NUAK1: variants seen among roughly 807,000 people sequenced by gnomAD.
The protein encoded by NUAK1 is NUAK family kinase 1.
A neutral mutation model predicts 56.9 loss-of-function variants in NUAK1; 26 were observed. The observed-to-expected ratio is 0.46, with a 90% CI of 0.33 to 0.63. The LOEUF (loss-of-function observed/expected upper bound fraction) is 0.63, where lower values mean the gene tolerates loss of function less well. Ranked by LOEUF, NUAK1 falls within the 30% of genes least tolerant of loss-of-function variation. The pLI is 0.02. For synonymous variants in NUAK1, 337 were observed against 336.0 expected, an observed-to-expected ratio of 1.00 and a Z score of -0.03; for missense variants, 727 against 876.1, an observed-to-expected ratio of 0.83 and a Z score of 2.15.
intron 4 of NUAK1, 62 bp from the exon 5 acceptor site, chr12:106,072,905 T>C (rs2032420794): frequency 6.9e-6 from 11 of 1,597,922 alleles, no homozygotes; most frequent in Admixed American, 3.4e-5. Context: ...CTGTGTTGGA[T>C]CAGTTCACAC....
chr12:106,138,863 G>GC lies in NUAK1; in HGVS notation c.-211dup, dbSNP rs546034790. On this transcript the variant is annotated 5_prime_UTR_variant, in exon 1 of 7. Coordinates refer to ENST00000261402, the MANE Select transcript of NUAK1 (RefSeq NM_014840.3). This position sits in a 1 kb window ranked among gnomAD's most constrained non-coding sequence, Gnocchi z 5.0. ...CCGCGGCGCGCACGGTCCGCGCACC[G>GC]CCCCCCGGCCGCGGCGAGCTGTGGA... 479 of 539,352 alleles carry GC rather than the reference G, an allele frequency of 8.9e-4. 14 individuals are homozygous for GC. In the South Asian group the frequency reaches 0.028, roughly 32 times the overall value. The allele number at this position is 539,352 out of a possible 1,614,324, so 33.4% of individuals were successfully genotyped here.
At chr12:106,091,219 A>C (rs1016159974) in intron 2 of NUAK1, among the ~76,000 whole-genome samples, 5 of 152,206 alleles carry the variant, frequency 3.3e-5, no homozygotes, top group Admixed American at 3.3e-4. Flanking sequence ...TGAAAAATGA[A>C]AGCCTGTGTC....
At chr12:106,116,305 C>T (rs1018166483) in intron 1 of NUAK1, among the ~76,000 whole-genome samples, 3 of 152,164 alleles carry the variant, frequency 2.0e-5, no homozygotes, top group Non-Finnish European at 2.9e-5. Context: ...ACCTTTCAAA[C>T]GTGGAATCCC....
Position 106,066,633 on chromosome 12 carries a change from C to T in NUAK1, c.*169G>A. ...TGACAGAACTGGCAGAAGAGCCCACCTCTCCCTTTTAGGTGTTGGCTCAAG... is the reference window on the plus strand; with the variant it reads ...TGACAGAACTGGCAGAAGAGCCCACTTCTCCCTTTTAGGTGTTGGCTCAAG... On this transcript the variant is annotated 3_prime_UTR_variant, in exon 7 of 7. Coordinates refer to ENST00000261402, the MANE Select transcript of NUAK1 (RefSeq NM_014840.3). 1.5e-6 allele frequency: 1 copy of T among 664,992 alleles called. No individual in the cohort carries two copies. The highest frequency in any genetic ancestry group is 2.6e-6 in the Non-Finnish European group (1 of 379,498). 41.2% of individuals were successfully genotyped at this position (664,992 alleles called of 1,614,324 possible). A position where few individuals can be genotyped will look rare whatever the true frequency, so the allele number is the denominator to read the frequency against.
At chr12:106,132,626 A>G in intron 1 of NUAK1, among the ~76,000 whole-genome samples, 1 of 152,180 alleles carries the variant, frequency 6.6e-6, no homozygotes, top group East Asian at 1.9e-4. Flanking sequence ...TGGGAAACAA[A>G]GGACTCTGTA....
At chr12:106,136,171 A>T (rs1245784252) in intron 1 of NUAK1, among the ~76,000 whole-genome samples, 2 of 152,206 alleles carry the variant, frequency 1.3e-5, no homozygotes, top group African/African-American at 2.4e-5. Flanking sequence ...TGAATAAACG[A>T]AGCATTTTAG....
intron 1 of NUAK1, among the ~76,000 whole-genome samples, chr12:106,118,411 G>GA (rs1391445058): frequency 1.3e-5 from 2 of 152,226 alleles, no homozygotes; most frequent in Non-Finnish European, 2.9e-5. Context: ...TGGTAAGGAA[G>GA]AAAACACTCT....
At chr12:106,105,064 G>A (rs1278722929) in intron 2 of NUAK1, among the ~76,000 whole-genome samples, 2 of 150,978 alleles carry the variant, frequency 1.3e-5, no homozygotes, top group South Asian at 2.1e-4. Flanking sequence ...AGTGATTCAC[G>A]TGCCTCAGCC....
chr12:106,116,973 T>C (rs1259376293), intron 1 of NUAK1, among the ~76,000 whole-genome samples: 1 of 152,180 alleles, frequency 6.6e-6, no homozygotes, highest in East Asian at 1.9e-4. Flanking sequence ...CTGTTCTGGA[T>C]AAGGCATTGA....
At chr12:106,077,861 C>G (rs1297342296) in intron 4 of NUAK1, among the ~76,000 whole-genome samples, 1 of 152,208 alleles carries the variant, frequency 6.6e-6, no homozygotes, top group Non-Finnish European at 1.5e-5. Context: ...ATAATGTCAC[C>G]TACCTGGAAG....
At chr12:106,101,559 T>C (rs1001238018) in intron 2 of NUAK1, among the ~76,000 whole-genome samples, 7 of 152,160 alleles carry the variant, frequency 4.6e-5, no homozygotes, top group African/African-American at 1.4e-4. Context: ...TAAAAGTCGG[T>C]CATCTATAAG....
At chr12:106,112,457 C>T (rs999709406) in intron 1 of NUAK1, among the ~76,000 whole-genome samples, 2 of 152,138 alleles carry the variant, frequency 1.3e-5, no homozygotes, top group Non-Finnish European at 1.5e-5. Context: ...TCCAAAGCTC[C>T]CAGGATCACC....
chr12:106,116,228 G>A (rs1038478380), intron 1 of NUAK1, among the ~76,000 whole-genome samples: 1 of 152,120 alleles, frequency 6.6e-6, no homozygotes, highest in Non-Finnish European at 1.5e-5. Context: ...AACCATAGTG[G>A]GACATCTGAT....
At chr12:106,070,605 G>A (rs1410616131) in intron 6 of NUAK1, among the ~76,000 whole-genome samples, 169 bp downstream of exon 6, 1 of 152,192 alleles carries the variant, frequency 6.6e-6, no homozygotes, top group Non-Finnish European at 1.5e-5. Flanking sequence ...AAGGTTTGGG[G>A]AAAGCAGCCT....
At chr12:106,103,732 G>A (rs992905902) in intron 2 of NUAK1, among the ~76,000 whole-genome samples, 6 of 152,324 alleles carry the variant, frequency 3.9e-5, no homozygotes, top group African/African-American at 1.4e-4. Flanking sequence ...TGTTGTGGAA[G>A]GGACCCGGTG....
chr12:106,125,094 C>T (rs2033013684), intron 1 of NUAK1, among the ~76,000 whole-genome samples: 1 of 152,150 alleles, frequency 6.6e-6, no homozygotes, highest in Non-Finnish European at 1.5e-5. Flanking sequence ...GCTCATCTTA[C>T]AGATAAGTTA....
rs540779897 is a variant in NUAK1, at chr12:106,127,438, A to G, written c.240+10976T>C. 6.1e-4 allele frequency among the ~76,000 whole-genome samples: 93 copies of G among 152,332 alleles called. 2 individuals carry two copies. In the South Asian group the frequency reaches 0.019, roughly 31 times the overall value. On this transcript the variant is annotated intron_variant, in intron 1 of 6. Transcript: ENST00000261402. Reference sequence around the variant, plus strand: ...CCTGCCTCCCAAAGTGTAGGATTACAGGCAGAAGCAACCACACCCAGCATG... The same window carrying G: ...CCTGCCTCCCAAAGTGTAGGATTACGGGCAGAAGCAACCACACCCAGCATG...
At chr12:106,072,100 TAGA>T (rs1211549845) in intron 5 of NUAK1, among the ~76,000 whole-genome samples, 1 of 152,210 alleles carries the variant, frequency 6.6e-6, no homozygotes, top group East Asian at 1.9e-4. Flanking sequence ...TCTCATGAAT[TAGA>T]AGATGTCATT....
intron 1 of NUAK1, 94 bp from the exon 2 acceptor site, chr12:106,106,619 G>C: frequency 7.4e-7 from 1 of 1,358,160 alleles, no homozygotes; most frequent in African/African-American, 1.5e-5. Flanking sequence ...GATGTTACTT[G>C]TTGGCAGAAC....
Sources: allele counts gnomAD v4.1 joint callset (sites outside exome capture counted in the v4.1 genomes callset), GRCh38; gene constraint gnomAD v4.1.1; non-coding constraint Gnocchi (gnomAD v3.1); transcripts MANE v1.5; gene names NCBI Gene and HGNC (gene_info 2026-07-23, HGNC 2026-07-21).